The following GLI3 variants were observed in gnomAD, a reference collection of about 807,000 sequenced individuals.
The protein encoded by GLI3 is transcription activator GLI3.
A neutral mutation model predicts 100.8 loss-of-function variants in GLI3; 20 were observed. The observed-to-expected ratio is 0.20, with a 90% CI of 0.14 to 0.29. The LOEUF (loss-of-function observed/expected upper bound fraction) is 0.29. Among genes scored for constraint, GLI3 ranks in the 10% least tolerant of loss-of-function variants. The pLI is 1.00. For synonymous variants in GLI3, 938 were observed against 860.5 expected, an observed-to-expected ratio of 1.09 and a Z score of -1.58; for missense variants, 2,040 against 2,128.5, an observed-to-expected ratio of 0.96 and a Z score of 0.82.
chr7:42,263,799 A>G (rs1237023431), intron 1 of GLI3, among the ~76,000 whole-genome samples: 1 of 151,756 alleles, frequency 6.6e-6, no homozygotes, highest in African/African-American at 2.4e-5. Flanking sequence ...AGAGGCTGCA[A>G]GTGTCTGGTG....
intron 3 of GLI3, among the ~76,000 whole-genome samples, chr7:42,095,026 G>C (rs1213800134): frequency 6.6e-6 from 1 of 152,202 alleles, no homozygotes; most frequent in African/African-American, 2.4e-5. Flanking sequence ...GCCTTGCTCA[G>C]AAAGGTGACC....
intron 4 of GLI3, among the ~76,000 whole-genome samples, chr7:42,063,118 G>A (rs1023714901): frequency 2.0e-5 from 3 of 152,172 alleles, no homozygotes; most frequent in Middle Eastern, 3.4e-3. Context: ...AGAAGTGCTC[G>A]TTTTTCATTT....
chr7:42,002,128 A>C (rs1788320704), intron 10 of GLI3, among the ~76,000 whole-genome samples: 1 of 152,124 alleles, frequency 6.6e-6, no homozygotes, highest in Non-Finnish European at 1.5e-5. Flanking sequence ...AGGGCACACA[A>C]AAATTCACAT....
chr7:42,107,822 C>G (rs773096034), intron 3 of GLI3, among the ~76,000 whole-genome samples: 1 of 152,168 alleles, frequency 6.6e-6, no homozygotes, highest in Non-Finnish European at 1.5e-5. Flanking sequence ...CTATCAGCAA[C>G]GCGACCTGTG....
chr7:42,219,583 G>A (rs902165895), intron 2 of GLI3, among the ~76,000 whole-genome samples: 11 of 152,118 alleles, frequency 7.2e-5, no homozygotes, highest in Non-Finnish European at 1.3e-4. Context: ...AACTCTATAC[G>A]CATGTTATTC....
intron 1 of GLI3, among the ~76,000 whole-genome samples, chr7:42,246,751 G>A (rs1177802341): frequency 1.3e-5 from 2 of 149,422 alleles, no homozygotes; most frequent in Non-Finnish European, 3.0e-5. Context: ...GTTATTTTCG[G>A]CGGTTGGTAA....
intron 1 of GLI3, among the ~76,000 whole-genome samples, chr7:42,257,066 T>A (rs1789092150): frequency 6.6e-6 from 1 of 152,154 alleles, no homozygotes; most frequent in East Asian, 1.9e-4. Flanking sequence ...AACTTTATTT[T>A]AAGATTTTTC....
chr7:42,124,002 C>G (rs930419233), intron 3 of GLI3, among the ~76,000 whole-genome samples: 1 of 152,170 alleles, frequency 6.6e-6, no homozygotes, highest in Admixed American at 6.5e-5. Context: ...GGCAAGGCCC[C>G]TGATGCCCAC....
chr7:42,149,379 T>C (rs941407829), intron 2 of GLI3, among the ~76,000 whole-genome samples: 7 of 152,232 alleles, frequency 4.6e-5, no homozygotes, highest in Admixed American at 1.3e-4. Context: ...GTAAGAACTT[T>C]CCATTTCTCC....
At position 41,972,752 on chromosome 7, in the gene GLI3, G is replaced by C. The variant is rs1787399660; in HGVS notation, c.1813-125C>G. On this transcript the variant is annotated intron_variant, in intron 12 of 14. Coordinates refer to ENST00000395925, the MANE Select transcript of GLI3 (RefSeq NM_000168.6). The surrounding 1 kb of genome is among the most constrained non-coding windows in gnomAD (Gnocchi z 4.4). ...TCAAAACACTTTCACAAGGCTTTGA[G>C]GTGTTCAGATACCTCTAGGAACTAA... The C allele has an allele frequency of 2.6e-6, 2 of 779,446 alleles. No individual in the cohort carries two copies. The highest frequency in any genetic ancestry group is 4.0e-5 in the Admixed American group (2 of 49,730). 48.3% of individuals were successfully genotyped at this position (779,446 alleles called of 1,614,324 possible). A position where few individuals can be genotyped will look rare whatever the true frequency, so the allele number is the denominator to read the frequency against.
At chr7:42,118,277 T>C in intron 3 of GLI3, 2 of 398,744 alleles carry the variant, frequency 5.0e-6, no homozygotes, top group Non-Finnish European at 8.8e-6. Context: ...TTCAGAGTCC[T>C]AACTATGGAC....
chr7:42,157,635 A>G (rs1316088820), intron 2 of GLI3, among the ~76,000 whole-genome samples: 3 of 152,266 alleles, frequency 2.0e-5, no homozygotes, highest in Non-Finnish European at 2.9e-5. Flanking sequence ...TGCACCAATT[A>G]GCATAAAAAT....
upstream of GLI3, among the ~76,000 whole-genome samples, chr7:42,242,354 C>T (rs922832938): frequency 2.6e-5 from 4 of 152,208 alleles, no homozygotes; most frequent in Non-Finnish European, 4.4e-5. Flanking sequence ...TGCCTCACTC[C>T]TGGAAACGTA....
chr7:41,987,101 G>GAC (rs34005460), intron 10 of GLI3, among the ~76,000 whole-genome samples: 31,551 of 140,508 alleles, frequency 0.22, 3,856 homozygotes, highest in Middle Eastern at 0.31. Context: ...CACAGACACA[G>GAC]ACACACACAC....
At chr7:42,078,643 C>A (rs79853513) in intron 3 of GLI3, among the ~76,000 whole-genome samples, 2,957 of 151,680 alleles carry the variant, frequency 0.019, 50 homozygotes, top group Middle Eastern at 0.052. Flanking sequence ...TCTTGTATCA[C>A]TGTCACTGTA....
In GLI3 at chr7:42,122,311, C is replaced by T. The variant is rs572697581; in HGVS notation, c.367+25915G>A. 2.9e-5 allele frequency among the ~76,000 whole-genome samples: 4 copies of T among 138,810 alleles called. No homozygotes were observed. The South Asian group carries it at 9.2e-4, about 32-fold the overall frequency. 91.1% of individuals were successfully genotyped at this position (138,810 alleles called of 152,430 possible). ...CCCTCACCTCCTAATCACATAAAATCAGATTTTTTATGATTTTTATTAGAG... is the reference window on the plus strand; with the variant it reads ...CCCTCACCTCCTAATCACATAAAATTAGATTTTTTATGATTTTTATTAGAG... On this transcript the variant is annotated intron_variant, in intron 3 of 14. Coordinates refer to ENST00000395925, the MANE Select transcript of GLI3 (RefSeq NM_000168.6).
chr7:42,215,426 G>C (rs1455972126), intron 2 of GLI3, among the ~76,000 whole-genome samples: 2 of 152,132 alleles, frequency 1.3e-5, no homozygotes, highest in East Asian at 3.9e-4. Flanking sequence ...CGACCTTGGG[G>C]GTCAGAGCAG....
chr7:42,016,587 C>A (rs1788769710), intron 10 of GLI3, among the ~76,000 whole-genome samples: 1 of 152,156 alleles, frequency 6.6e-6, no homozygotes, highest in African/African-American at 2.4e-5. Context: ...AGGCCGTGAA[C>A]CCAGGTCTGT....
At chr7:41,986,978 TC>T (rs1787843021) in intron 10 of GLI3, among the ~76,000 whole-genome samples, 1 of 151,100 alleles carries the variant, frequency 6.6e-6, no homozygotes, top group Non-Finnish European at 1.5e-5. Context: ...GAATCTGACT[TC>T]CCCAGAGCTA....
Sources: gnomAD v4.1 joint callset for allele counts (sites outside exome capture counted in the v4.1 genomes callset) on GRCh38, gnomAD v4.1.1 for gene constraint, Gnocchi (gnomAD v3.1) non-coding constraint, MANE v1.5 for transcripts, NCBI Gene and HGNC (gene_info 2026-07-23, HGNC 2026-07-21) for gene names.